Variants in MAP3K15 observed in about 807,000 individuals in gnomAD.
The protein encoded by MAP3K15 is mitogen-activated protein kinase kinase kinase 15, also known as MAPK/ERK kinase kinase 15.
A neutral mutation model predicts 99.5 loss-of-function variants in MAP3K15; 124 were observed. The ratio of observed to expected loss-of-function variants is 1.25; its 90% CI spans 1.08 to 1.45. MAP3K15 has a LOEUF of 1.45. Ranked by LOEUF, MAP3K15 falls within the 40% of genes most tolerant of loss-of-function variation. The probability of loss-of-function intolerance (pLI) is 0.00; values close to 1 mark genes in which losing one functional copy is unlikely to be tolerated. For synonymous variants in MAP3K15, 494 were observed against 439.6 expected, an observed-to-expected ratio of 1.12 and a Z score of -1.55; for missense variants, 1,242 against 1,079.7, an observed-to-expected ratio of 1.15 and a Z score of -2.11.
intron 1 of MAP3K15, among the ~76,000 whole-genome samples, chrX:19,500,577 C>A (rs2147422168): frequency 9.0e-6 from 1 of 111,058 alleles, no homozygotes; most frequent in Non-Finnish European, 1.9e-5. Flanking sequence ...GCTCCCCAAC[C>A]ACTCTCCCTC....
At chrX:19,373,279 A>G (rs2063391312) in intron 21 of MAP3K15, 3 of 291,201 alleles carry the variant, frequency 1.0e-5, no homozygotes, top group Non-Finnish European at 1.7e-5. Flanking sequence ...GTCGAAGGAG[A>G]GGGGAGAGAG....
At chrX:19,364,893 CAA>C (rs781622051) in intron 25 of MAP3K15, among the ~76,000 whole-genome samples, 875 of 38,442 alleles carry the variant, frequency 0.023, 16 homozygotes, top group African/African-American at 0.078. Context: ...AACTCTGTCT[CAA>C]AAAAAAAAAA....
intron 6 of MAP3K15, among the ~76,000 whole-genome samples, chrX:19,435,910 T>C (rs1276910943): frequency 4.5e-5 from 5 of 112,015 alleles, no homozygotes; most frequent in Non-Finnish European, 9.4e-5. Flanking sequence ...TCCCAGCACT[T>C]TGGGAGGCCA....
intron 24 of MAP3K15, among the ~76,000 whole-genome samples, 176 bp downstream of exon 24, chrX:19,370,783 G>A (rs990809810): frequency 1.8e-5 from 2 of 112,045 alleles, no homozygotes; most frequent in Non-Finnish European, 3.8e-5. Flanking sequence ...AGCACCACGA[G>A]ATGCTCTCAG....
intron 6 of MAP3K15, among the ~76,000 whole-genome samples, chrX:19,442,694 TTTATTA>T (rs769205663): frequency 1.6e-4 from 16 of 101,280 alleles, no homozygotes; most frequent in African/African-American, 3.7e-4. Flanking sequence ...TGGCTTTTAT[TTTATTA>T]TTATTATTAT....
intron 1 of MAP3K15, among the ~76,000 whole-genome samples, chrX:19,493,054 G>A (rs2064378324): frequency 9.0e-6 from 1 of 110,967 alleles, no homozygotes; most frequent in Admixed American, 9.7e-5. Context: ...CATGGTGACT[G>A]TTATAATTAG....
At position 19,413,483 on chromosome X, in the gene MAP3K15, C is replaced by A. The variant is rs766100171; in HGVS notation, c.1591-19G>T. 10 of 1,125,591 alleles carry A rather than the reference C, an allele frequency of 8.9e-6. No homozygotes were observed. The African/African-American group carries it at 1.3e-4, about 14-fold the overall frequency. The allele number at this position is 1,125,591 out of a possible 1,213,427, so 92.8% of individuals were successfully genotyped here. A position where few individuals can be genotyped will look rare whatever the true frequency, so the allele number is the denominator to read the frequency against. The stretch of plus-strand genomic sequence containing the variant: ...CCAGAACCTGAAACAAGAACAGATG[C>A]CTGTTAACGTACATGGGTAGAAAAC... On this transcript the variant is annotated intron_variant, in intron 10 of 28. Coordinates refer to ENST00000338883, the MANE Select transcript of MAP3K15 (RefSeq NM_001001671.4).
chrX:19,385,750 G>A (rs751421459), intron 18 of MAP3K15, among the ~76,000 whole-genome samples: 43 of 111,148 alleles, frequency 3.9e-4, no homozygotes, highest in African/African-American at 1.3e-3. Context: ...CTACCTTCAA[G>A]TTCAGAACTA....
At position 19,400,643 on chromosome X, in the gene MAP3K15, T is replaced by A; in HGVS notation, c.1865A>T (p.Glu622Val). 1.7e-6 allele frequency: 2 copies of A among 1,205,111 alleles called. No individual in the cohort carries two copies. The highest frequency in any genetic ancestry group is 3.5e-5 in the African/African-American group (2 of 57,739). Residue 622 changes from glutamate to valine, a missense_variant, in exon 14 of 29, where the codon GAG becomes GTG. Transcript: ENST00000338883. ...ACTGCCTGCTGTATTGGTTATCATCTCTTTGACCAAAGAGAAAAATCTAGA... is the reference window on the plus strand; with the variant it reads ...ACTGCCTGCTGTATTGGTTATCATCACTTTGACCAAAGAGAAAAATCTAGA... ...QCSRFFSLVK[E>V]MITNTAGSTV...
chrX:19,512,158 A>C (rs1439560464), intron 1 of MAP3K15, among the ~76,000 whole-genome samples: 1 of 109,948 alleles, frequency 9.1e-6, no homozygotes, highest in Non-Finnish European at 1.9e-5. Flanking sequence ...TCACACACAC[A>C]CCCCAGGGCC....
At position 19,421,856 on chromosome X, in the gene MAP3K15, A is replaced by C. The variant is rs1282300959; in HGVS notation, c.1439+3675T>G. Among the ~76,000 whole-genome samples the C allele has an allele frequency of 3.6e-5, 4 of 109,791 alleles. No individual in the cohort carries two copies. The East Asian group carries it at 1.1e-3, about 31-fold the overall frequency. On this transcript the variant is annotated intron_variant, in intron 9 of 28. Transcript: ENST00000338883. ...GATATAGACCAATGGAACAGAACAG[A>C]GCCCTCAGAAATAATGCCGCATAGC...
intron 3 of MAP3K15, among the ~76,000 whole-genome samples, chrX:19,467,098 T>C (rs2064174341): frequency 8.9e-6 from 1 of 111,759 alleles, no homozygotes; most frequent in Admixed American, 9.5e-5. Context: ...GCCAAAAGAC[T>C]GAACACCCCT....
Position 19,425,648 on chromosome X carries a change from T to C in MAP3K15, c.1322A>G (p.Glu441Gly). The change falls in exon 9 of 29, where the codon GAG (glutamate) becomes GGG (glycine). Residue 441 changes from glutamate (E) to glycine (G), a missense_variant. Coordinates refer to ENST00000338883, the MANE Select transcript of MAP3K15 (RefSeq NM_001001671.4). ...CACATCCCAGTAATTGTTCATTTTCTCCAAGCTCCCTTTTCTTCCCAACAA... is the reference window on the plus strand; with the variant it reads ...CACATCCCAGTAATTGTTCATTTTCCCCAAGCTCCCTTTTCTTCCCAACAA... ...NSLLGRKGSL[E>G]KMNNYWDVGQ... The C allele has an allele frequency of 1.7e-6, 2 of 1,199,663 alleles. No individual in the cohort carries two copies. Among genetic ancestry groups the C allele is most frequent in the South Asian group, 1.8e-5 (1 of 56,779 alleles).
intron 6 of MAP3K15, among the ~76,000 whole-genome samples, chrX:19,455,102 G>T (rs960985124): frequency 9.0e-6 from 1 of 111,107 alleles, no homozygotes; most frequent in Admixed American, 9.6e-5. Context: ...AAAATCCTTA[G>T]TTTGTTGGAG....
intron 6 of MAP3K15, among the ~76,000 whole-genome samples, chrX:19,449,699 G>A (rs1485036192): frequency 9.2e-6 from 1 of 109,130 alleles, no homozygotes; most frequent in East Asian, 2.8e-4. Flanking sequence ...CCAAACGATC[G>A]CTTTTTTCTG....
At chrX:19,406,678 C>G (rs1428565133) in intron 13 of MAP3K15, among the ~76,000 whole-genome samples, 1 of 112,542 alleles carries the variant, frequency 8.9e-6, no homozygotes, top group Non-Finnish European at 1.9e-5. Context: ...AAAACTATGA[C>G]TATACTAAAA....
intron 1 of MAP3K15, among the ~76,000 whole-genome samples, chrX:19,489,573 A>G (rs2064353057): frequency 9.0e-6 from 1 of 110,821 alleles, no homozygotes; most frequent in Non-Finnish European, 1.9e-5. Context: ...AGGCCTCATA[A>G]ATTGGATTAG....
chrX:19,395,538 A>G (rs1379463722), intron 15 of MAP3K15, among the ~76,000 whole-genome samples: 3 of 110,945 alleles, frequency 2.7e-5, no homozygotes, highest in African/African-American at 9.9e-5. Context: ...ACCTCTCTCA[A>G]CAGCCCCTCT....
At chrX:19,376,658 G>A (rs1052321160) in intron 19 of MAP3K15, 4 of 110,348 alleles carry the variant, frequency 3.6e-5, no homozygotes, top group Admixed American at 9.7e-5. Flanking sequence ...TTGCCCCGGG[G>A]GATCTTGAAC....
Sources: allele counts gnomAD v4.1 joint callset (sites outside exome capture counted in the v4.1 genomes callset), GRCh38; gene constraint gnomAD v4.1.1; transcripts MANE v1.5; gene names NCBI Gene and HGNC (gene_info 2026-07-23, HGNC 2026-07-21).